Variants in ENTPD1 observed in about 807,000 individuals in gnomAD.
ENTPD1 encodes ATP diphosphohydrolase.
A neutral mutation model predicts 57.0 loss-of-function variants in ENTPD1; 33 were observed. The ratio of observed to expected loss-of-function variants is 0.58; its 90% CI spans 0.44 to 0.77. The LOEUF is 0.77. Ranked by LOEUF, ENTPD1 falls within the 30% of genes least tolerant of loss-of-function variation. The pLI is 0.00. For missense variants in ENTPD1, 501 were observed against 603.4 expected (o/e 0.83, Z 1.78); for synonymous variants, 202 against 218.8 (o/e 0.92, Z 0.68).
At chr10:95,856,812 C>G (rs1273114110) in intron 7 of ENTPD1, among the ~76,000 whole-genome samples, 1 of 150,226 alleles carries the variant, frequency 6.7e-6, no homozygotes, top group Non-Finnish European at 1.5e-5. Flanking sequence ...CTAGTATCAT[C>G]ATATTTAGGT....
At chr10:95,767,422 G>A (rs2098094043) in intron 1 of ENTPD1, among the ~76,000 whole-genome samples, 1 of 151,516 alleles carries the variant, frequency 6.6e-6, no homozygotes, top group South Asian at 2.1e-4. Flanking sequence ...CATTATGAGA[G>A]AAGGATTAAG....
At chr10:95,758,772 C>CAT (rs1281712378) in intron 1 of ENTPD1, among the ~76,000 whole-genome samples, 1 of 152,154 alleles carries the variant, frequency 6.6e-6, no homozygotes, top group Non-Finnish European at 1.5e-5. Flanking sequence ...AGAGGATGAC[C>CAT]ATATAGCAGT....
At position 95,756,182 on chromosome 10, in the gene ENTPD1, A is replaced by G; in HGVS notation, c.-58A>G. On this transcript the variant is annotated 5_prime_UTR_variant, in exon 1 of 10. Transcript: ENST00000371205. ...TCTCTCACGGAGACGGACCACAGCA[A>G]GCAGAGGCTGGGGGGGGGAAAGACG... 2 of 1,573,206 alleles carry G rather than the reference A, an allele frequency of 1.3e-6. No homozygotes were observed. The highest frequency in any genetic ancestry group is 1.7e-6 in the Non-Finnish European group (2 of 1,158,796).
At chr10:95,834,381 T>A (rs2098404507) in intron 2 of ENTPD1, among the ~76,000 whole-genome samples, 1 of 152,020 alleles carries the variant, frequency 6.6e-6, no homozygotes, top group Admixed American at 6.6e-5. Flanking sequence ...ATACAGGCAT[T>A]CTGATCAGGA....
chr10:95,780,780 G>A (rs78409875), intron 1 of ENTPD1, among the ~76,000 whole-genome samples: 2,706 of 152,300 alleles, frequency 0.018, 85 homozygotes, highest in African/African-American at 0.062. Flanking sequence ...TTCTTGGTCT[G>A]TGTCCAAGTC....
intron 6 of ENTPD1, 51 bp from the exon 7 acceptor site, chr10:95,847,395 T>G (rs747147268): frequency 1.3e-5 from 21 of 1,611,362 alleles, no homozygotes; most frequent in Non-Finnish European, 1.6e-5. Context: ...ACTGTACCTT[T>G]TGTATCCAAA....
At chr10:95,800,662 G>T (rs1276023207) in intron 1 of ENTPD1, among the ~76,000 whole-genome samples, 13 of 152,080 alleles carry the variant, frequency 8.5e-5, no homozygotes, top group Admixed American at 8.5e-4. Flanking sequence ...GTTACTCCTT[G>T]CTGGGAAAAG....
intron 7 of ENTPD1, among the ~76,000 whole-genome samples, chr10:95,851,829 T>C (rs1452634317): frequency 1.3e-5 from 2 of 152,150 alleles, no homozygotes; most frequent in Non-Finnish European, 2.9e-5. Context: ...CAGTCTATCA[T>C]TGATTGACAT....
At chr10:95,828,676 C>T (rs1034759371) in intron 2 of ENTPD1, among the ~76,000 whole-genome samples, 3 of 151,282 alleles carry the variant, frequency 2.0e-5, no homozygotes, top group Admixed American at 6.6e-5. Flanking sequence ...TTTTTCTTCC[C>T]GTGAATACTG....
intron 1 of ENTPD1, among the ~76,000 whole-genome samples, chr10:95,788,868 G>A (rs1475430600): frequency 2.6e-5 from 4 of 152,064 alleles, no homozygotes; most frequent in African/African-American, 9.7e-5. Context: ...GTTTTCCCCC[G>A]AGGATTTGTA....
intron 1 of ENTPD1, among the ~76,000 whole-genome samples, chr10:95,806,221 C>A (rs961184139): frequency 2.6e-5 from 4 of 152,142 alleles, no homozygotes; most frequent in African/African-American, 9.7e-5. Flanking sequence ...AACTTCTCTT[C>A]TCACTTTATT....
chr10:95,747,510 T>C (rs1056620490), intron 1 of ENTPD1, among the ~76,000 whole-genome samples: 4 of 152,228 alleles, frequency 2.6e-5, no homozygotes, highest in African/African-American at 4.8e-5. Context: ...TCTTCCACCC[T>C]ATCCGACTAG....
chr10:95,817,380 A>C (rs1436542672), intron 1 of ENTPD1, among the ~76,000 whole-genome samples: 1 of 152,142 alleles, frequency 6.6e-6, no homozygotes, highest in Non-Finnish European at 1.5e-5. Context: ...CATCATTACC[A>C]CAAGAGGCAG....
At position 95,870,884 on chromosome 10, in the gene ENTPD1, T is replaced by C. The variant is rs577672207; in HGVS notation, c.*4501T>C. ...CTGCAGTAAACATTGATTTTCATGT[T>C]TGTGAGTCTGCAAGCCAGCTGGGCA... On this transcript the variant is annotated 3_prime_UTR_variant, in exon 10 of 10. Transcript: ENST00000371205. 6.4e-5 allele frequency: 63 copies of C among 985,476 alleles called. No homozygotes were observed. In the South Asian group the frequency reaches 2.8e-3, roughly 44 times the overall value. The allele number at this position is 985,476 out of a possible 1,614,324, so 61.0% of individuals were successfully genotyped here. A position where few individuals can be genotyped will look rare whatever the true frequency, so the allele number is the denominator to read the frequency against.
chr10:95,867,624 T>C lies in ENTPD1; in HGVS notation c.*1241T>C. 1 of 985,480 alleles carries C rather than the reference T, an allele frequency of 1.0e-6. No homozygotes were observed. The highest frequency in any genetic ancestry group is 4.7e-5 in the South Asian group (1 of 21,284). The allele number at this position is 985,480 out of a possible 1,614,324, so 61.0% of individuals were successfully genotyped here. A position where few individuals can be genotyped will look rare whatever the true frequency, so the allele number is the denominator to read the frequency against. On this transcript the variant is annotated 3_prime_UTR_variant, in exon 10 of 10. Coordinates refer to ENST00000371205, the MANE Select transcript of ENTPD1 (RefSeq NM_001776.6). ...ACATGGGCTTTGTTTGCTTATTCCA[T>C]GAAGCAGCAGCTATAGACCTTACCA...
intron 1 of ENTPD1, among the ~76,000 whole-genome samples, chr10:95,722,679 G>T (rs1489631434): frequency 6.6e-6 from 1 of 151,980 alleles, no homozygotes. Flanking sequence ...TTAGCACTGG[G>T]AGATATACCA....
chr10:95,708,668 C>T (rs1485199726), upstream of ENTPD1, among the ~76,000 whole-genome samples: 1 of 152,152 alleles, frequency 6.6e-6, no homozygotes, highest in East Asian at 1.9e-4. Flanking sequence ...TCTGCAATAG[C>T]AAGAATGAGG....
intron 1 of ENTPD1, among the ~76,000 whole-genome samples, chr10:95,798,218 A>G (rs1185937573): frequency 1.3e-5 from 2 of 152,180 alleles, no homozygotes; most frequent in Non-Finnish European, 2.9e-5. Flanking sequence ...ATTTGGCACT[A>G]TGAGGTTGTT....
intron 1 of ENTPD1, 51 bp from the exon 2 acceptor site, chr10:95,823,186 C>A (rs2098359979): frequency 2.5e-6 from 4 of 1,610,634 alleles, no homozygotes; most frequent in Non-Finnish European, 3.4e-6. Context: ...GGAGGAAAAT[C>A]AGTGTTTTTG....
Sources: allele counts gnomAD v4.1 joint callset (sites outside exome capture counted in the v4.1 genomes callset), GRCh38; gene constraint gnomAD v4.1.1; transcripts MANE v1.5; gene names NCBI Gene and HGNC (gene_info 2026-07-23, HGNC 2026-07-21).